ZNF385D: variants seen among roughly 807,000 people sequenced by gnomAD.
The protein encoded by ZNF385D is zinc finger protein 385D, also known as zinc finger protein 659.
ZNF385D carries 15 observed loss-of-function variants against 35.8 expected under a neutral mutation model. That is an observed-to-expected ratio of 0.42 (90% CI 0.28 to 0.64). The LOEUF is 0.64. Ranked by LOEUF, ZNF385D falls within the 30% of genes least tolerant of loss-of-function variation. ZNF385D has a pLI of 0.23. For missense variants in ZNF385D, 474 were observed against 494.6 expected, an observed-to-expected ratio of 0.96 and a Z score of 0.39; for synonymous variants, 212 against 186.8, an observed-to-expected ratio of 1.13 and a Z score of -1.10.
upstream of ZNF385D, among the ~76,000 whole-genome samples, chr3:21,756,146 G>A (rs184601756): frequency 4.5e-4 from 68 of 152,290 alleles, no homozygotes; most frequent in African/African-American, 1.5e-3. Flanking sequence ...CAGATGTAAG[G>A]TGACGGGTTA....
intron 3 of ZNF385D, among the ~76,000 whole-genome samples, chr3:22,049,835 C>T (rs1214137070): frequency 6.6e-6 from 1 of 152,032 alleles, no homozygotes; most frequent in African/African-American, 2.4e-5. Context: ...TCTTTGCATC[C>T]TAGTAATAAA....
At chr3:22,062,714 C>T (rs1284957891) in intron 3 of ZNF385D, among the ~76,000 whole-genome samples, 1 of 152,146 alleles carries the variant, frequency 6.6e-6, no homozygotes, top group Non-Finnish European at 1.5e-5. Context: ...GTAGAATTAA[C>T]AATGTATGGT....
At chr3:22,305,377 C>G (rs1313344240) in intron 2 of ZNF385D, among the ~76,000 whole-genome samples, 1 of 152,040 alleles carries the variant, frequency 6.6e-6, no homozygotes, top group Non-Finnish European at 1.5e-5. Flanking sequence ...CTTAATAGTT[C>G]TTGGGATTAC....
chr3:22,116,067 T>C (rs1702795357), intron 3 of ZNF385D, among the ~76,000 whole-genome samples: 1 of 152,042 alleles, frequency 6.6e-6, no homozygotes, highest in Non-Finnish European at 1.5e-5. Context: ...AAGTTCAAGC[T>C]TTGGAAACTA....
intron 3 of ZNF385D, among the ~76,000 whole-genome samples, chr3:21,513,859 C>T (rs1165287224): frequency 6.6e-6 from 1 of 152,092 alleles, no homozygotes; most frequent in Non-Finnish European, 1.5e-5. Context: ...TCTAGATCTA[C>T]CTTGATTCAG....
At chr3:22,183,105 T>G (rs1369461206) in intron 2 of ZNF385D, among the ~76,000 whole-genome samples, 1 of 152,076 alleles carries the variant, frequency 6.6e-6, no homozygotes, top group East Asian at 1.9e-4. Flanking sequence ...TTGAAGGTGG[T>G]TTTTAGCTTC....
At chr3:21,463,611 C>T (rs1703323226) in intron 4 of ZNF385D, among the ~76,000 whole-genome samples, 2 of 152,140 alleles carry the variant, frequency 1.3e-5, no homozygotes, top group African/African-American at 4.8e-5. Flanking sequence ...GAATGGCTGG[C>T]TCGCTTTCTC....
At chr3:21,988,484 G>T (rs1299779969) in intron 3 of ZNF385D, among the ~76,000 whole-genome samples, 1 of 140,792 alleles carries the variant, frequency 7.1e-6, no homozygotes, top group Non-Finnish European at 1.6e-5. Context: ...GCTGCTCGGG[G>T]GTCAGGGGTC....
At chr3:22,149,842 T>C (rs1462880219) in intron 3 of ZNF385D, among the ~76,000 whole-genome samples, 3 of 152,164 alleles carry the variant, frequency 2.0e-5, no homozygotes, top group African/African-American at 7.2e-5. Flanking sequence ...CAGACTTTTT[T>C]TTGTCTTTGA....
intron 7 of ZNF385D, among the ~76,000 whole-genome samples, chr3:21,422,082 C>CT (rs1700766387): frequency 6.6e-6 from 1 of 152,180 alleles, no homozygotes; most frequent in South Asian, 2.1e-4. Context: ...TGGCTAGTAA[C>CT]ATCAATAAAA....
intron 3 of ZNF385D, among the ~76,000 whole-genome samples, chr3:21,562,948 CAAAA>C (rs965384936): frequency 2.6e-5 from 4 of 152,050 alleles, no homozygotes; most frequent in Admixed American, 1.3e-4. Flanking sequence ...CATTAAAAAA[CAAAA>C]AATCCCTTCA....
At chr3:22,084,676 A>G (rs1384206388) in intron 3 of ZNF385D, among the ~76,000 whole-genome samples, 2 of 152,230 alleles carry the variant, frequency 1.3e-5, no homozygotes, top group Non-Finnish European at 2.9e-5. Flanking sequence ...TCAATGAGAC[A>G]GAAGGTTAAG....
intron 3 of ZNF385D, among the ~76,000 whole-genome samples, chr3:21,873,206 G>A (rs1559711400): frequency 6.6e-6 from 1 of 152,124 alleles, no homozygotes; most frequent in African/African-American, 2.4e-5. Flanking sequence ...ATATATAAGT[G>A]TATAAGTGTG....
At chr3:21,591,555 A>G (rs2063977019) in intron 2 of ZNF385D, among the ~76,000 whole-genome samples, 1 of 152,180 alleles carries the variant, frequency 6.6e-6, no homozygotes. Flanking sequence ...TCCAATATGA[A>G]TATAAATTAA....
At chr3:21,522,812 GA>G (rs201670424) in intron 3 of ZNF385D, among the ~76,000 whole-genome samples, 1,773 of 152,060 alleles carry the variant, frequency 0.012, 38 homozygotes, top group African/African-American at 0.04. Flanking sequence ...ATTGCATTAA[GA>G]AAAAAAATTT....
chr3:21,917,704 T>C (rs888971341), intron 3 of ZNF385D, among the ~76,000 whole-genome samples: 2 of 152,184 alleles, frequency 1.3e-5, no homozygotes, highest in African/African-American at 2.4e-5. Context: ...TTATACTTTA[T>C]TGGGAAAAAA....
chr3:21,998,168 GT>G (rs1015156186), intron 3 of ZNF385D, among the ~76,000 whole-genome samples: 3 of 152,072 alleles, frequency 2.0e-5, no homozygotes, highest in Non-Finnish European at 2.9e-5. Flanking sequence ...TTCCCAGAAA[GT>G]TAGTGAATAA....
intron 3 of ZNF385D, among the ~76,000 whole-genome samples, chr3:21,810,996 G>GTATA (rs557279868): frequency 8.6e-4 from 115 of 133,274 alleles, no homozygotes; most frequent in African/African-American, 1.4e-3. Context: ...GTGTGTGTGT[G>GTATA]TGTATATATA....
intron 3 of ZNF385D, among the ~76,000 whole-genome samples, chr3:21,811,436 A>G (rs1413096120): frequency 2.0e-5 from 3 of 152,184 alleles, no homozygotes; most frequent in Non-Finnish European, 2.9e-5. Context: ...AAGTTTTTCT[A>G]CTTCCCAAGA....
Sources: gnomAD v4.1 joint callset for allele counts (sites outside exome capture counted in the v4.1 genomes callset) on GRCh38, gnomAD v4.1.1 for gene constraint, MANE v1.5 for transcripts, NCBI Gene and HGNC (gene_info 2026-07-23, HGNC 2026-07-21) for gene names.